STAG1: variants seen among roughly 807,000 people sequenced by gnomAD.
The protein encoded by STAG1 is STAG1 cohesin complex component.
STAG1 carries 26 observed loss-of-function variants against 170.9 expected under a neutral mutation model. That is an observed-to-expected ratio of 0.15 (90% CI 0.11 to 0.21). The LOEUF is 0.21. Ranked by LOEUF, STAG1 falls within the 10% of genes least tolerant of loss-of-function variation. The pLI is 1.00. For missense variants in STAG1, 964 were observed against 1,509.5 expected (o/e 0.64, Z 5.99); for synonymous variants, 514 against 497.7 (o/e 1.03, Z -0.44).
chr3:136,621,170 TAC>T (rs576253901), intron 3 of STAG1, among the ~76,000 whole-genome samples: 93 of 152,058 alleles, frequency 6.1e-4, no homozygotes, highest in African/African-American at 2.2e-3. Context: ...GATTCAGCTG[TAC>T]ACACATAAAA....
At chr3:136,514,150 C>T (rs1446548460) in intron 7 of STAG1, among the ~76,000 whole-genome samples, 5 of 152,114 alleles carry the variant, frequency 3.3e-5, no homozygotes, top group Non-Finnish European at 7.3e-5. Flanking sequence ...TTCTAGTGTA[C>T]AATATGAAAA....
At chr3:136,676,664 C>T (rs1454196658) in intron 1 of STAG1, among the ~76,000 whole-genome samples, 5 of 151,990 alleles carry the variant, frequency 3.3e-5, no homozygotes, top group African/African-American at 9.7e-5. Flanking sequence ...CTCCTAGACT[C>T]GTCTTGAACT....
At chr3:136,350,678 A>G (rs1936402610) in intron 28 of STAG1, among the ~76,000 whole-genome samples, 1 of 152,202 alleles carries the variant, frequency 6.6e-6, no homozygotes, top group African/African-American at 2.4e-5. Flanking sequence ...GTGGCATAAA[A>G]GTTAAAGTTC....
At chr3:136,700,418 C>CT (rs775648320) in intron 1 of STAG1, among the ~76,000 whole-genome samples, 6,922 of 141,290 alleles carry the variant, frequency 0.049, 187 homozygotes, top group East Asian at 0.15. Flanking sequence ...ATTACTTCTT[C>CT]TTTTTTTTTT....
chr3:136,731,550 TGG>T (rs1275204095), intron 1 of STAG1, among the ~76,000 whole-genome samples: 4 of 152,170 alleles, frequency 2.6e-5, no homozygotes, highest in African/African-American at 9.6e-5. Context: ...CAACCCTGGA[TGG>T]GAGAAAGAGA....
chr3:136,586,348 T>C lies in STAG1; in HGVS notation c.298-17487A>G, dbSNP rs1334964112. The stretch of plus-strand genomic sequence containing the variant: ...CCTAGATAATCTGTATAAAATTCTA[T>C]ATATATAGGGATAAAGCCTTTGGAA... On this transcript the variant is annotated intron_variant, in intron 4 of 33. Coordinates refer to ENST00000383202, the MANE Select transcript of STAG1 (RefSeq NM_005862.3). Among the ~76,000 whole-genome samples, 5 of 152,132 alleles carry C rather than the reference T, an allele frequency of 3.3e-5. No homozygotes were observed. In the East Asian group the frequency reaches 5.8e-4, roughly 18 times the overall value.
chr3:136,723,418 G>T (rs1933432326), intron 1 of STAG1, among the ~76,000 whole-genome samples: 1 of 150,706 alleles, frequency 6.6e-6, no homozygotes, highest in Non-Finnish European at 1.5e-5. Context: ...TCTCTGCCCA[G>T]CCGCCCCGTC....
chr3:136,733,746 G>A (rs1934172690), intron 1 of STAG1, among the ~76,000 whole-genome samples: 1 of 152,104 alleles, frequency 6.6e-6, no homozygotes, highest in African/African-American at 2.4e-5. Flanking sequence ...GTTAATTTAG[G>A]CTATAAGAAT....
chr3:136,467,874 TACACGGAAACTAA>T (rs1192993273), intron 12 of STAG1, among the ~76,000 whole-genome samples: 1 of 152,158 alleles, frequency 6.6e-6, no homozygotes, highest in Non-Finnish European at 1.5e-5. Context: ...ACTGCTCAAC[TACACGGAAACTAA>T]ACAACCTGCT....
At chr3:136,736,521 G>T (rs1419675154) in intron 1 of STAG1, 2 of 1,441,036 alleles carry the variant, frequency 1.4e-6, no homozygotes, top group East Asian at 2.3e-5. Flanking sequence ...TTTTACTTTC[G>T]GTGGTCTCAG....
At chr3:136,707,111 A>G (rs1943249119) in intron 1 of STAG1, among the ~76,000 whole-genome samples, 1 of 152,226 alleles carries the variant, frequency 6.6e-6, no homozygotes, top group Non-Finnish European at 1.5e-5. Flanking sequence ...TAAACTCTTA[A>G]GAGAAAACAT....
chr3:136,615,424 CAAAAAAAAAAAA>C (rs35713077), intron 3 of STAG1, among the ~76,000 whole-genome samples: 897 of 33,286 alleles, frequency 0.027, 18 homozygotes, highest in Admixed American at 0.057. Context: ...AGACTTTGTC[CAAAAAAAAAAAA>C]AAAAAAAAAA....
chr3:136,614,734 T>G (rs999542653), intron 3 of STAG1, among the ~76,000 whole-genome samples: 16 of 152,230 alleles, frequency 1.1e-4, no homozygotes, highest in Non-Finnish European at 2.4e-4. Flanking sequence ...TCCAAAGCTC[T>G]AGAATAGGTT....
chr3:136,439,804 C>T (rs913972432), intron 15 of STAG1, among the ~76,000 whole-genome samples: 4 of 152,178 alleles, frequency 2.6e-5, no homozygotes, highest in Non-Finnish European at 1.5e-5. Flanking sequence ...ATTTCTCAGA[C>T]TCTGCCTACC....
chr3:136,379,465 T>C (rs1039327490), intron 22 of STAG1, among the ~76,000 whole-genome samples: 3 of 152,096 alleles, frequency 2.0e-5, no homozygotes, highest in African/African-American at 4.8e-5. Flanking sequence ...TCCCAGCACT[T>C]TGGGAGGCTG....
Position 136,521,831 on chromosome 3 carries a change from T to C in STAG1, c.472-414A>G, listed in dbSNP as rs548851167. On this transcript the variant is annotated intron_variant, in intron 6 of 33. Coordinates refer to ENST00000383202, the MANE Select transcript of STAG1 (RefSeq NM_005862.3). ...ATACCACATCTTTCAATATTTTAAA[T>C]TGAATTTTTAAGAAGTGAGAATTTC... Among the ~76,000 whole-genome samples the C allele has an allele frequency of 4.6e-5, 7 of 152,334 alleles. No homozygotes were observed. In the South Asian group the frequency reaches 1.5e-3, roughly 32 times the overall value.
intron 1 of STAG1, among the ~76,000 whole-genome samples, chr3:136,747,340 C>T (rs887524712): frequency 4.0e-5 from 6 of 151,768 alleles, no homozygotes; most frequent in Admixed American, 6.6e-5. Context: ...AACTGTCTGA[C>T]GCAATGATTG....
At chr3:136,395,938 C>CT (rs2087135654) in intron 22 of STAG1, among the ~76,000 whole-genome samples, 2 of 152,318 alleles carry the variant, frequency 1.3e-5, no homozygotes, top group Admixed American at 1.3e-4. Context: ...GAGGCTCGCT[C>CT]TGTCACCCAG....
chr3:136,424,494 C>T (rs1421830208), intron 16 of STAG1, among the ~76,000 whole-genome samples: 1 of 151,896 alleles, frequency 6.6e-6, no homozygotes, highest in African/African-American at 2.4e-5. Flanking sequence ...ACCACTAAGT[C>T]GGGCTAAGTT....
Sources: allele counts gnomAD v4.1 joint callset (sites outside exome capture counted in the v4.1 genomes callset), GRCh38; gene constraint gnomAD v4.1.1; transcripts MANE v1.5; gene names NCBI Gene and HGNC (gene_info 2026-07-23, HGNC 2026-07-21).